The following GARNL3 variants were observed in gnomAD, a reference collection of about 807,000 sequenced individuals.
GARNL3 encodes the protein GTPase activating Rap/RanGAP domain like 3, also known as GTPase-activating Rap/Ran-GAP domain-like protein 3.
A neutral mutation model predicts 125.0 loss-of-function variants in GARNL3; 63 were observed. The ratio of observed to expected loss-of-function variants is 0.50; its 90% CI spans 0.41 to 0.62. GARNL3 has a LOEUF of 0.62. Among genes scored for constraint, GARNL3 ranks in the 20% least tolerant of loss-of-function variants. The pLI is 0.00. For missense variants in GARNL3, 994 were observed against 1,244.0 expected (o/e 0.80, Z 3.02); for synonymous variants, 439 against 457.5 (o/e 0.96, Z 0.52).
rs1168777224 is a variant in GARNL3 at position 127,393,074 on chromosome 9, C to T, written c.2871-9C>T. The T allele has an allele frequency of 1.3e-6, 2 of 1,582,658 alleles. No homozygotes were observed. The highest frequency in any genetic ancestry group is 3.5e-5 in the Admixed American group (2 of 57,748). ...CAAAGATCCTCTTACAGTGACTTTT[C>T]TCTTCTAGGATCCCATCAGGCTCCT... On this transcript the variant is annotated splice_polypyrimidine_tract_variant and intron_variant, in intron 27 of 27. Coordinates refer to ENST00000373387, the MANE Select transcript of GARNL3 (RefSeq NM_032293.5).
intron 5 of GARNL3, among the ~76,000 whole-genome samples, chr9:127,319,517 G>A (rs1027186219): frequency 1.3e-5 from 2 of 151,920 alleles, no homozygotes; most frequent in African/African-American, 4.8e-5. Flanking sequence ...AGATTAAGAA[G>A]TGAAAAATGT....
At chr9:127,319,838 T>C (rs916367107) in intron 5 of GARNL3, among the ~76,000 whole-genome samples, 5 of 152,260 alleles carry the variant, frequency 3.3e-5, no homozygotes, top group Non-Finnish European at 7.3e-5. Flanking sequence ...TCATTTGTTA[T>C]AATTTCATTT....
rs1373911046 is a variant in GARNL3 at position 127,229,676 on chromosome 9, G to T, written c.-29+5338G>T. On this transcript the variant is annotated intron_variant, in intron 1 of 10. Coordinates refer to the GARNL3 transcript ENST00000439286. Reference sequence around the variant, plus strand: ...ATGCCCAGCTAACTTTTAAAATTTTGTGTAGAGACTTGATCTCACTTTGTT... The same window carrying T: ...ATGCCCAGCTAACTTTTAAAATTTTTTGTAGAGACTTGATCTCACTTTGTT... 2.0e-5 allele frequency among the ~76,000 whole-genome samples: 3 copies of T among 152,032 alleles called. No individual in the cohort carries two copies. The East Asian group carries it at 5.8e-4, about 29-fold the overall frequency.
chr9:127,232,733 T>C (rs1375620201), intron 1 of GARNL3, among the ~76,000 whole-genome samples: 2 of 152,222 alleles, frequency 1.3e-5, no homozygotes, highest in Non-Finnish European at 1.5e-5. Context: ...AATTGCAAAA[T>C]GCTGGGGTAG....
At chr9:127,343,012 C>T (rs2131613692) in intron 14 of GARNL3, among the ~76,000 whole-genome samples, 1 of 151,168 alleles carries the variant, frequency 6.6e-6, no homozygotes, top group Non-Finnish European at 1.5e-5. Context: ...ATTCTCCTAC[C>T]TCAGCCTCCC....
chr9:127,263,778 A>G (rs906982775), upstream of GARNL3: 5 of 1,234,984 alleles, frequency 4.0e-6, no homozygotes, highest in African/African-American at 6.2e-5. Flanking sequence ...AATTTCTCAT[A>G]TAAGATTAAT....
chr9:127,303,393 G>C (rs2064857917), intron 2 of GARNL3, among the ~76,000 whole-genome samples: 1 of 152,100 alleles, frequency 6.6e-6, no homozygotes, highest in Non-Finnish European at 1.5e-5. Flanking sequence ...GGATTATTCA[G>C]ACCAATCTAG....
Position 127,390,678 on chromosome 9 carries a change from G to A in GARNL3, c.2781G>A (p.Ala927=), listed in dbSNP as rs532665132. 3.1e-6 allele frequency: 5 copies of A among 1,613,906 alleles called. No homozygotes were observed. The highest frequency in any genetic ancestry group is 1.7e-5 in the Admixed American group (1 of 60,024). ...SDEGGPKSEG[A]PKAKSKPRKR... is the part of the protein sequence containing the mutation. ...AAGGTGGACCCAAGTCAGAAGGAGC[G>A]CCAAAGGCCAAATCAAAACCCCGGA... The change falls in exon 27 of 28, where the codon GCG becomes GCA. Residue 927 remains alanine, a synonymous_variant. Transcript: ENST00000373387.
intron 2 of GARNL3, among the ~76,000 whole-genome samples, chr9:127,245,808 T>C (rs894618389): frequency 2.0e-5 from 3 of 152,200 alleles, no homozygotes; most frequent in Admixed American, 6.5e-5. Flanking sequence ...GGCCCAGCCT[T>C]TTCTGGGACG....
At chr9:127,234,973 G>A (rs1165752769) in intron 1 of GARNL3, among the ~76,000 whole-genome samples, 2 of 152,014 alleles carry the variant, frequency 1.3e-5, no homozygotes, top group African/African-American at 4.8e-5. Flanking sequence ...TTAGATCATA[G>A]CACTTATAAA....
chr9:127,333,260 T>G, intron 9 of GARNL3, 139 bp downstream of exon 9: 1 of 657,260 alleles, frequency 1.5e-6, no homozygotes, highest in Non-Finnish European at 2.6e-6. Context: ...CCACACCCTG[T>G]TCAACATAGA....
intron 2 of GARNL3, among the ~76,000 whole-genome samples, chr9:127,302,742 A>G (rs2064838315): frequency 2.0e-5 from 3 of 152,268 alleles, no homozygotes; most frequent in Admixed American, 2.0e-4. Flanking sequence ...ATGCCCTCAT[A>G]TACTGTTTAC....
At chr9:127,373,033 C>T (rs1271085454) in intron 22 of GARNL3, among the ~76,000 whole-genome samples, 1 of 152,118 alleles carries the variant, frequency 6.6e-6, no homozygotes, top group East Asian at 1.9e-4. Flanking sequence ...AATTTGTGAG[C>T]CTGATGTCAT....
At chr9:127,254,228 G>A (rs1476289220) in intron 2 of GARNL3, among the ~76,000 whole-genome samples, 2 of 152,028 alleles carry the variant, frequency 1.3e-5, no homozygotes, top group Non-Finnish European at 1.5e-5. Flanking sequence ...TGATTTAGAT[G>A]AAAAAAATTA....
At chr9:127,381,325 CTCTATA>C (rs1229109014) in intron 22 of GARNL3, among the ~76,000 whole-genome samples, 1 of 152,138 alleles carries the variant, frequency 6.6e-6, no homozygotes, top group Non-Finnish European at 1.5e-5. Flanking sequence ...TGCAACAAAA[CTCTATA>C]TCTACAGACT....
At chr9:127,231,221 A>ATTTTTTTTTT (rs754935724) in intron 1 of GARNL3, among the ~76,000 whole-genome samples, 154 of 66,006 alleles carry the variant, frequency 2.3e-3, no homozygotes, top group African/African-American at 8.2e-3. Context: ...CGCCCAGCTA[A>ATTTTTTTTTT]TTTTTTGTTT....
At chr9:127,299,957 G>T (rs2064733792) in intron 2 of GARNL3, 1 of 176,044 alleles carries the variant, frequency 5.7e-6, no homozygotes, top group Admixed American at 6.2e-5. Flanking sequence ...ACCTGCATCG[G>T]CCTCCCAAAG....
At chr9:127,312,416 A>G (rs1443638867) in intron 3 of GARNL3, among the ~76,000 whole-genome samples, 1 of 152,160 alleles carries the variant, frequency 6.6e-6, no homozygotes, top group Non-Finnish European at 1.5e-5. Flanking sequence ...GGAAGTTTCA[A>G]TGAGATATGC....
intron 6 of GARNL3, among the ~76,000 whole-genome samples, chr9:127,321,629 A>G (rs2065406250): frequency 6.6e-6 from 1 of 152,218 alleles, no homozygotes; most frequent in Admixed American, 6.5e-5. Context: ...TTTATCAGAA[A>G]AATGTCAACC....
Sources: allele counts gnomAD v4.1 joint callset (sites outside exome capture counted in the v4.1 genomes callset), GRCh38; gene constraint gnomAD v4.1.1; transcripts MANE v1.5; gene names NCBI Gene and HGNC (gene_info 2026-07-23, HGNC 2026-07-21).